The following C3orf70 variants were observed in gnomAD, a reference collection of about 807,000 sequenced individuals.
The protein encoded by C3orf70 is UPF0524 protein C3orf70.
Under a neutral mutation model 20.7 loss-of-function variants are expected in C3orf70, and 15 were observed. That is an observed-to-expected ratio of 0.72 (90% CI 0.48 to 1.11). The LOEUF (loss-of-function observed/expected upper bound fraction) is 1.11, where lower values mean the gene tolerates loss of function less well. C3orf70 is among the 50% of genes most tolerant of loss of function. The pLI is 0.00. For synonymous variants in C3orf70, 161 were observed against 125.7 expected (o/e 1.28, Z -1.88); for missense variants, 332 against 317.6 (o/e 1.05, Z -0.34).
chr3:185,097,845 G>A (rs894892804), intron 1 of C3orf70, among the ~76,000 whole-genome samples: 4 of 152,138 alleles, frequency 2.6e-5, no homozygotes, highest in Admixed American at 6.6e-5. Context: ...TAAGACATTC[G>A]GCACTGGGTT....
chr3:185,123,218 C>T (rs1716342334), intron 1 of C3orf70, among the ~76,000 whole-genome samples: 1 of 148,528 alleles, frequency 6.7e-6, no homozygotes, highest in Non-Finnish European at 1.5e-5. Context: ...TGTGAAACTG[C>T]ATTATCACAA....
chr3:185,126,028 T>C (rs773337740), intron 1 of C3orf70, among the ~76,000 whole-genome samples: 13 of 152,186 alleles, frequency 8.5e-5, no homozygotes, highest in Admixed American at 5.2e-4. Context: ...AATAAAAATG[T>C]GTGAATTGTA....
chr3:185,102,599 A>C (rs1387765677), intron 1 of C3orf70, among the ~76,000 whole-genome samples: 1 of 152,232 alleles, frequency 6.6e-6, no homozygotes, highest in Non-Finnish European at 1.5e-5. Flanking sequence ...CGAATAGACA[A>C]GGCAATGCTA....
rs766838018 is a variant in C3orf70 at position 185,082,751 on chromosome 3, C to T, written c.*256G>A. 9.4e-5 allele frequency: 39 copies of T among 416,078 alleles called. No individual in the cohort carries two copies. The highest frequency in any genetic ancestry group is 3.6e-4 in the African/African-American group (18 of 49,976). The allele number at this position is 416,078 out of a possible 1,614,324, so 25.8% of individuals were successfully genotyped here. A position where few individuals can be genotyped will look rare whatever the true frequency, so the allele number is the denominator to read the frequency against. ...TTCAAATCTCCCAGTGAAATTAAGG[C>T]GGGGTCACAATTCATGACACCAGAT... On this transcript the variant is annotated 3_prime_UTR_variant, in exon 2 of 2. Transcript: ENST00000335012.
chr3:185,081,018 A>C lies in C3orf70; in HGVS notation c.*1989T>G, dbSNP rs999594955. 1 of 152,174 alleles carries C rather than the reference A, an allele frequency of 6.6e-6. No homozygotes were observed. The highest frequency in any genetic ancestry group is 1.5e-5 in the Non-Finnish European group (1 of 68,030). The allele number at this position is 152,174 out of a possible 1,614,324, so 9.4% of individuals were successfully genotyped here. On this transcript the variant is annotated 3_prime_UTR_variant, in exon 2 of 2. Coordinates refer to ENST00000335012, the MANE Select transcript of C3orf70 (RefSeq NM_001025266.3). The stretch of plus-strand genomic sequence containing the variant: ...CCATCTAAACCTAAAAAAAAGTTCT[A>C]TCTAGTAAACGACTTAAATTATACA...
intron 1 of C3orf70, among the ~76,000 whole-genome samples, chr3:185,124,468 A>G (rs965246150): frequency 5.9e-5 from 9 of 152,216 alleles, no homozygotes; most frequent in Admixed American, 5.2e-4. Flanking sequence ...AATTAGGACA[A>G]TGTGGCACTG....
intron 1 of C3orf70, among the ~76,000 whole-genome samples, chr3:185,127,532 G>A (rs1350838399): frequency 2.0e-5 from 3 of 152,066 alleles, no homozygotes; most frequent in Admixed American, 6.5e-5. Flanking sequence ...CTCTGCTTCT[G>A]GGGTTCAAGC....
intron 1 of C3orf70, among the ~76,000 whole-genome samples, chr3:185,115,987 C>T (rs973339670): frequency 2.6e-5 from 4 of 152,152 alleles, no homozygotes; most frequent in South Asian, 4.1e-4. Context: ...TGAATTTGGA[C>T]GGTGGGGGAC....
At chr3:185,086,770 A>C (rs184294501) in intron 1 of C3orf70, among the ~76,000 whole-genome samples, 61 of 152,280 alleles carry the variant, frequency 4.0e-4, no homozygotes, top group Non-Finnish European at 7.2e-4. Flanking sequence ...CGAGGGTGAG[A>C]GCCTATTATC....
Position 185,082,666 on chromosome 3 carries a change from T to G in C3orf70, c.*341A>C. 1 of 237,876 alleles carries G rather than the reference T, an allele frequency of 4.2e-6. No individual in the cohort carries two copies. The highest frequency in any genetic ancestry group is 8.2e-6 in the Non-Finnish European group (1 of 122,296). 14.7% of individuals were successfully genotyped at this position (237,876 alleles called of 1,614,324 possible). ...TGGCTACCGAGAAAACACCGGCTCC[T>G]TCCCTTTCGGTACCTCCTCAATCTG... On this transcript the variant is annotated 3_prime_UTR_variant, in exon 2 of 2. Transcript: ENST00000335012.
intron 1 of C3orf70, among the ~76,000 whole-genome samples, chr3:185,120,353 A>AT (rs1358633198): frequency 6.6e-6 from 1 of 152,214 alleles, no homozygotes; most frequent in Non-Finnish European, 1.5e-5. Context: ...TAATGTTGGC[A>AT]TTCTAGGAGG....
chr3:185,098,809 T>A (rs764217501), intron 1 of C3orf70, among the ~76,000 whole-genome samples: 1 of 152,100 alleles, frequency 6.6e-6, no homozygotes, highest in Non-Finnish European at 1.5e-5. Flanking sequence ...GTGGGCCCCA[T>A]CCAAACAGTT....
intron 1 of C3orf70, among the ~76,000 whole-genome samples, chr3:185,126,498 C>T (rs1457735738): frequency 6.6e-6 from 1 of 152,098 alleles, no homozygotes; most frequent in Non-Finnish European, 1.5e-5. Flanking sequence ...CCCTGGGTGC[C>T]TCTAGATACA....
intron 1 of C3orf70, among the ~76,000 whole-genome samples, chr3:185,111,946 G>C (rs1317495867): frequency 6.6e-6 from 1 of 152,168 alleles, no homozygotes; most frequent in African/African-American, 2.4e-5. Context: ...CATAAATGAA[G>C]TAAGCATTTA....
intron 1 of C3orf70, among the ~76,000 whole-genome samples, chr3:185,087,129 C>T (rs1351398559): frequency 6.6e-6 from 1 of 152,132 alleles, no homozygotes; most frequent in Non-Finnish European, 1.5e-5. Context: ...GGGTTTCTGG[C>T]GATTTAGCCA....
At chr3:185,095,706 A>G (rs1010424018) in intron 1 of C3orf70, among the ~76,000 whole-genome samples, 1 of 151,804 alleles carries the variant, frequency 6.6e-6, no homozygotes, top group Non-Finnish European at 1.5e-5. Context: ...CATTTTCAAT[A>G]TAAAACAAGC....
chr3:185,094,421 C>T (rs920253646), intron 1 of C3orf70, among the ~76,000 whole-genome samples: 1 of 151,978 alleles, frequency 6.6e-6, no homozygotes, highest in African/African-American at 2.4e-5. Flanking sequence ...TAGTTCTTTT[C>T]CCAGGTATTT....
rs1473408079 is a variant in C3orf70 at position 185,083,341 on chromosome 3, T to C, written c.419A>G (p.Asn140Ser). The C allele has an allele frequency of 1.2e-6, 2 of 1,614,046 alleles. No individual in the cohort carries two copies. The highest frequency in any genetic ancestry group is 1.7e-6 in the Non-Finnish European group (2 of 1,180,034). ...CTTCTGCACATAACACATCTTCCCA[T>C]TAATACATTTAACCTGATAGTTGTC... ...FIDNYQVKCI[N>S]GKMCYVQKQP... Residue 140 changes from asparagine to serine, a missense_variant, in exon 2 of 2, where the codon AAT becomes AGT. Transcript: ENST00000335012.
At position 185,152,939 on chromosome 3, in the gene C3orf70, G is replaced by T; in HGVS notation, c.-116C>A. 1.1e-6 allele frequency: 1 copy of T among 931,484 alleles called. No individual in the cohort carries two copies. The highest frequency in any genetic ancestry group is 1.4e-6 in the Non-Finnish European group (1 of 708,690). 57.7% of individuals were successfully genotyped at this position (931,484 alleles called of 1,614,324 possible). A position where few individuals can be genotyped will look rare whatever the true frequency, so the allele number is the denominator to read the frequency against. Reference sequence around the variant, plus strand: ...GGGCGCGGCACGGGCCGGGAGTCACGCCAGCACGCGGCGGCGGCGGGAGCG... The same window carrying T: ...GGGCGCGGCACGGGCCGGGAGTCACTCCAGCACGCGGCGGCGGCGGGAGCG... On this transcript the variant is annotated 5_prime_UTR_variant, in exon 1 of 2. Coordinates refer to ENST00000335012, the MANE Select transcript of C3orf70 (RefSeq NM_001025266.3).
Sources: gnomAD v4.1 joint callset for allele counts (sites outside exome capture counted in the v4.1 genomes callset) on GRCh38, gnomAD v4.1.1 for gene constraint, MANE v1.5 for transcripts, NCBI Gene and HGNC (gene_info 2026-07-23, HGNC 2026-07-21) for gene names.